Variants in PLPBP observed in about 807,000 individuals in gnomAD.
The protein encoded by PLPBP is pyridoxal phosphate binding protein, also known as pyridoxal phosphate homeostasis protein.
PLPBP carries 21 observed loss-of-function variants against 31.2 expected under a neutral mutation model. That is an observed-to-expected ratio of 0.67 (90% CI 0.48 to 0.97). PLPBP has a LOEUF of 0.97. Among genes scored for constraint, PLPBP ranks in the 50% least tolerant of loss-of-function variants. The probability of loss-of-function intolerance (pLI) is 0.00; values close to 1 mark genes in which losing one functional copy is unlikely to be tolerated. For missense variants in PLPBP, 308 were observed against 354.4 expected (o/e 0.87, Z 1.05); for synonymous variants, 124 against 135.6 (o/e 0.91, Z 0.59).
chr8:37,762,569 T>C (rs1490433208), upstream of PLPBP: 11 of 1,499,972 alleles, frequency 7.3e-6, no homozygotes, highest in South Asian at 3.9e-5. Flanking sequence ...TGAGCAATGA[T>C]TGGTTCACAC....
chr8:37,773,778 G>GA (rs1803837396), intron 5 of PLPBP, among the ~76,000 whole-genome samples: 1 of 151,910 alleles, frequency 6.6e-6, no homozygotes, highest in Non-Finnish European at 1.5e-5. Flanking sequence ...CTGGGATTGT[G>GA]TCTTTCATCT....
At chr8:37,770,301 A>G (rs1023466389) in intron 4 of PLPBP, among the ~76,000 whole-genome samples, 3 of 152,254 alleles carry the variant, frequency 2.0e-5, no homozygotes, top group African/African-American at 7.2e-5. Flanking sequence ...ATGGAACAGA[A>G]TAGAGAACTC....
chr8:37,775,508 G>A (rs760806952), intron 6 of PLPBP, 27 bp downstream of exon 6: 12 of 1,612,680 alleles, frequency 7.4e-6, no homozygotes, highest in East Asian at 6.7e-5. Flanking sequence ...GAGATTGCTC[G>A]TGTGCTAAAG....
At chr8:37,773,542 C>T (rs543246596) in intron 5 of PLPBP, among the ~76,000 whole-genome samples, 2 of 150,726 alleles carry the variant, frequency 1.3e-5, no homozygotes, top group South Asian at 4.2e-4. Flanking sequence ...GATCTCAGCT[C>T]ACTGCAACCT....
rs1585929930 is a variant in PLPBP, at chr8:37,765,602, G to A, written c.176G>A (p.Gly59Glu). 1 of 1,614,184 alleles carries A rather than the reference G, an allele frequency of 6.2e-7. No individual in the cohort carries two copies. The highest frequency in any genetic ancestry group is 1.6e-4 in the Middle Eastern group (1 of 6,062). ...GCAGACATGGTGATCGAGGCCTATG[G>A]ACATGGGCAGCGCACTTTTGGCGAG... ...KPADMVIEAY[G>E]HGQRTFGENY... is the part of the protein sequence containing the mutation. The change falls in exon 2 of 8, where the codon GGA (glycine) becomes GAA (glutamate). Residue 59 changes from glycine to glutamate, a missense_variant. Around this residue, in one of 2 missense-constraint regions of PLPBP, gnomAD observed 120 missense variants for 95.1 expected, o/e 1.26. Coordinates refer to ENST00000328195, the MANE Select transcript of PLPBP (RefSeq NM_007198.4).
At chr8:37,776,617 A>C (rs1221987526) in intron 7 of PLPBP, among the ~76,000 whole-genome samples, 1 of 152,028 alleles carries the variant, frequency 6.6e-6, no homozygotes, top group Non-Finnish European at 1.5e-5. Context: ...TATAATTATA[A>C]TTTCATAAAT....
intron 3 of PLPBP, 40 bp from the exon 4 acceptor site, chr8:37,766,240 A>G (rs756540379): frequency 1.6e-5 from 25 of 1,535,628 alleles, no homozygotes; most frequent in Non-Finnish European, 2.1e-5. Flanking sequence ...CAAGGCCTCT[A>G]TAAAATCTGA....
rs1803897546 is a variant in PLPBP at position 37,776,022 on chromosome 8, T to A, written c.696+6T>A. 6.2e-7 allele frequency: 1 copy of A among 1,611,602 alleles called. No individual in the cohort carries two copies. Among genetic ancestry groups the A allele is most frequent in the African/African-American group, 1.3e-5 (1 of 74,792 alleles). ...CCGCGGATTTCCAGCATGCGGTGAG[T>A]GTCCTGCCAGTGCCCTGTCTGCCTC... On this transcript the variant is annotated splice_donor_region_variant and intron_variant, in intron 7 of 7. Coordinates refer to ENST00000328195, the MANE Select transcript of PLPBP (RefSeq NM_007198.4).
At chr8:37,769,038 T>C (rs1803708605) in intron 4 of PLPBP, among the ~76,000 whole-genome samples, 1 of 151,362 alleles carries the variant, frequency 6.6e-6, no homozygotes, top group Non-Finnish European at 1.5e-5. Context: ...CTGGAAACCA[T>C]AAAAAAAACA....
chr8:37,768,218 G>A (rs1321236713), intron 4 of PLPBP, among the ~76,000 whole-genome samples: 1 of 152,114 alleles, frequency 6.6e-6, no homozygotes, highest in Non-Finnish European at 1.5e-5. Flanking sequence ...TGTGTTATGG[G>A]ATTTATAACT....
At chr8:37,770,948 A>G (rs1261001887) in intron 4 of PLPBP, among the ~76,000 whole-genome samples, 1 of 152,102 alleles carries the variant, frequency 6.6e-6, no homozygotes, top group East Asian at 1.9e-4. Context: ...AGGGGCAGGA[A>G]AACCTAACAG....
chr8:37,765,310 A>G (rs1194605378), intron 1 of PLPBP, among the ~76,000 whole-genome samples: 1 of 152,206 alleles, frequency 6.6e-6, no homozygotes, highest in Non-Finnish European at 1.5e-5. Context: ...TGACATCGCT[A>G]ACATTGATGC....
rs747038961 is a variant in PLPBP at position 37,772,717 on chromosome 8, C to A, written c.320-38C>A. ...TTGCATGTTACTTGCTGCAATAGAG[C>A]AAATAAGGAATACTACTTTGCCTCT... On this transcript the variant is annotated intron_variant, in intron 4 of 7. Coordinates refer to ENST00000328195, the MANE Select transcript of PLPBP (RefSeq NM_007198.4). 30 of 1,609,392 alleles carry A rather than the reference C, an allele frequency of 1.9e-5. 1 individual carries two copies. The South Asian group carries it at 3.1e-4, about 17-fold the overall frequency.
At chr8:37,767,845 G>A (rs555205489) in intron 4 of PLPBP, among the ~76,000 whole-genome samples, 29 of 123,920 alleles carry the variant, frequency 2.3e-4, no homozygotes, top group Non-Finnish European at 3.8e-4. Context: ...TCGCTCTGTC[G>A]CCCAAGCTGG....
intron 5 of PLPBP, 40 bp from the exon 6 acceptor site, chr8:37,775,299 A>G (rs1434321412): frequency 6.2e-7 from 1 of 1,611,932 alleles, no homozygotes; most frequent in African/African-American, 1.3e-5. Flanking sequence ...CTGGCCATTT[A>G]CCCTTGCAGT....
Position 37,765,558 on chromosome 8 carries a change from G to C in PLPBP, c.132G>C (p.Ala44=), listed in dbSNP as rs202002761. Residue 44 remains alanine (A), a synonymous_variant, in exon 2 of 8, where the codon GCG becomes GCC. Transcript: ENST00000328195. ...DLPAIQPRLV[A]VSKTKPADMV... ...CAGCCATCCAGCCCCGGCTAGTGGC[G>C]GTCAGCAAAACCAAACCTGCAGACA... The C allele has an allele frequency of 2.5e-6, 4 of 1,613,774 alleles. No individual in the cohort carries two copies. The African/African-American group carries it at 5.3e-5, about 22-fold the overall frequency.
intron 5 of PLPBP, 55 bp downstream of exon 5, chr8:37,772,944 T>TGA: frequency 3.1e-6 from 5 of 1,599,422 alleles, no homozygotes; most frequent in Non-Finnish European, 4.3e-6. Flanking sequence ...GGTTGAAGCT[T>TGA]AGGGAGAATG....
chr8:37,766,602 G>A (rs1803635516), intron 4 of PLPBP: 1 of 1,122,780 alleles, frequency 8.9e-7, no homozygotes, highest in Admixed American at 4.7e-5. Context: ...TTATTTGGTG[G>A]TCTTTCAGAA....
chr8:37,773,666 G>C (rs879342424), intron 5 of PLPBP, among the ~76,000 whole-genome samples: 1 of 150,246 alleles, frequency 6.7e-6, no homozygotes, highest in Non-Finnish European at 1.5e-5. Flanking sequence ...ACGGAGTTTC[G>C]CCATATTGGT....
Sources: allele counts gnomAD v4.1 joint callset (sites outside exome capture counted in the v4.1 genomes callset), GRCh38; gene constraint gnomAD v4.1.1; regional missense constraint gnomAD v4.1.1; transcripts MANE v1.5; gene names NCBI Gene and HGNC (gene_info 2026-07-23, HGNC 2026-07-21).